The following C2CD3 variants were observed in gnomAD, a reference collection of about 807,000 sequenced individuals.
C2CD3 encodes the protein C2 domain containing 3 centriole elongation regulator.
Under a neutral mutation model 234.0 loss-of-function variants are expected in C2CD3, and 148 were observed. The ratio of observed to expected loss-of-function variants is 0.63; its 90% confidence interval spans 0.55 to 0.72. C2CD3 has a LOEUF of 0.72. C2CD3 is among the 30% of genes least tolerant of loss of function. The pLI is 0.00. For missense variants in C2CD3, 2,577 were observed against 2,811.5 expected (o/e 0.92, Z 1.89); for synonymous variants, 1,000 against 1,035.4 (o/e 0.97, Z 0.66).
chr11:74,130,780 T>C (rs1957645676), intron 7 of C2CD3, among the ~76,000 whole-genome samples: 3 of 152,104 alleles, frequency 2.0e-5, no homozygotes, highest in Admixed American at 2.0e-4. Context: ...AAAGTGTGAG[T>C]CCTACTTTCT....
At chr11:74,098,377 T>C in intron 15 of C2CD3, 122 bp from the exon 16 acceptor site, 1 of 1,034,010 alleles carries the variant, frequency 9.7e-7, no homozygotes, top group South Asian at 1.6e-5. Context: ...AAAGTAATAG[T>C]GGTTTTAAAA....
chr11:74,165,684 C>G (rs552608576), intron 2 of C2CD3, among the ~76,000 whole-genome samples: 1 of 152,068 alleles, frequency 6.6e-6, no homozygotes, highest in African/African-American at 2.4e-5. Flanking sequence ...AACAGGGTCT[C>G]ACTCTGTCAC....
chr11:74,115,118 G>T (rs1194895495), intron 9 of C2CD3, among the ~76,000 whole-genome samples: 1 of 151,708 alleles, frequency 6.6e-6, no homozygotes, highest in Non-Finnish European at 1.5e-5. Flanking sequence ...CTAAAGGTTT[G>T]AGAGTGTATA....
In C2CD3 at chr11:74,049,437, C is replaced by A. The variant is rs1388308285; in HGVS notation, c.5261G>T (p.Cys1754Phe). The change falls in exon 27 of 33, where the codon TGC (cysteine) becomes TTC (phenylalanine). Residue 1754 changes from cysteine to phenylalanine, a missense_variant. Coordinates refer to ENST00000334126, the MANE Select transcript of C2CD3 (RefSeq NM_001286577.2). ...WYNITDFSGE[C>F]QGQIKVAVSP... The stretch of plus-strand genomic sequence containing the variant: ...GACAGCAACTTTTATCTGCCCCTGG[C>A]ACTCTCCACTGAAGTCTGTGATGTT... The A allele has an allele frequency of 3.1e-6, 5 of 1,614,004 alleles. No individual in the cohort carries two copies. The highest frequency in any genetic ancestry group is 4.2e-6 in the Non-Finnish European group (5 of 1,179,996).
chr11:74,128,752 C>T (rs56016718), intron 7 of C2CD3: 13 of 157,222 alleles, frequency 8.3e-5, no homozygotes, highest in South Asian at 1.6e-4. Context: ...TGACTCTTAA[C>T]GAGCATGCTG....
chr11:74,168,904 T>C (rs1856974927), intron 1 of C2CD3, among the ~76,000 whole-genome samples: 1 of 152,244 alleles, frequency 6.6e-6, no homozygotes, highest in South Asian at 2.1e-4. Context: ...GACACACTAA[T>C]ATAAACTTTT....
intron 16 of C2CD3, among the ~76,000 whole-genome samples, chr11:74,096,665 C>T (rs1441812095): frequency 1.3e-5 from 2 of 152,116 alleles, no homozygotes; most frequent in Non-Finnish European, 2.9e-5. Flanking sequence ...TTCCTCTGTG[C>T]ATGTAGTGAG....
rs945940216 is a variant in C2CD3 at position 74,044,973 on chromosome 11, C to T, written c.5496-2755G>A. On this transcript the variant is annotated intron_variant, in intron 28 of 32. Transcript: ENST00000334126. ...CTTTTGTTATTTGTGCTTTTGGTGT[C>T]ATTTCCTAAGGAATCATTGTCTAAT... 2.0e-5 allele frequency among the ~76,000 whole-genome samples: 3 copies of T among 151,312 alleles called. No homozygotes were observed. In the East Asian group the frequency reaches 5.8e-4, roughly 29 times the overall value.
intron 16 of C2CD3, among the ~76,000 whole-genome samples, chr11:74,096,762 G>C (rs1284745637): frequency 1.3e-5 from 2 of 152,164 alleles, no homozygotes; most frequent in Admixed American, 6.5e-5. Context: ...AAACAGACTT[G>C]GGGATATTAA....
Position 74,090,186 on chromosome 11 carries a change from A to G in C2CD3, c.3641+627T>C, listed in dbSNP as rs139754276. Among the ~76,000 whole-genome samples, 5 of 152,270 alleles carry G rather than the reference A, an allele frequency of 3.3e-5. No individual in the cohort carries two copies. The East Asian group carries it at 9.7e-4, about 29-fold the overall frequency. ...GGGGGTGGGGCACGTGGTTTAGATC[A>G]TATGGGGTCTCATAGCCATTTTAAG... On this transcript the variant is annotated intron_variant, in intron 20 of 32. Transcript: ENST00000334126.
intron 11 of C2CD3, among the ~76,000 whole-genome samples, chr11:74,111,969 C>CACAT (rs1555045433): frequency 1.1e-4 from 9 of 84,490 alleles, no homozygotes; most frequent in Middle Eastern, 5.7e-3. Flanking sequence ...CACACACACA[C>CACAT]ATATATATAT....
At chr11:74,044,322 G>A (rs1953242497) in intron 28 of C2CD3, among the ~76,000 whole-genome samples, 1 of 152,030 alleles carries the variant, frequency 6.6e-6, no homozygotes, top group Non-Finnish European at 1.5e-5. Context: ...TGGTGTGGTG[G>A]CGTGCACCTG....
At chr11:74,096,144 A>G (rs149290354) in intron 16 of C2CD3, among the ~76,000 whole-genome samples, 10 of 152,314 alleles carry the variant, frequency 6.6e-5, no homozygotes, top group African/African-American at 2.4e-4. Flanking sequence ...CACCTTCATT[A>G]AGTGATTTAA....
At chr11:74,077,345 C>G (rs146337827) in intron 23 of C2CD3, among the ~76,000 whole-genome samples, 22 of 152,192 alleles carry the variant, frequency 1.4e-4, no homozygotes, top group Admixed American at 6.6e-4. Context: ...TGGATGCACT[C>G]TAGTGCTACG....
At chr11:74,062,297 C>G (rs985849259) in intron 24 of C2CD3, among the ~76,000 whole-genome samples, 31 of 152,302 alleles carry the variant, frequency 2.0e-4, no homozygotes, top group African/African-American at 7.2e-4. Flanking sequence ...ACAGAACTCT[C>G]CACCCCAAAT....
intron 4 of C2CD3, 23 bp downstream of exon 4, chr11:74,139,582 C>T (rs754132197): frequency 6.8e-7 from 1 of 1,466,016 alleles, no homozygotes; most frequent in Admixed American, 1.7e-5. Flanking sequence ...GACAGATTGA[C>T]TGGTATTAGG....
At chr11:74,056,518 G>A (rs1232388136) in intron 25 of C2CD3, among the ~76,000 whole-genome samples, 1 of 152,018 alleles carries the variant, frequency 6.6e-6, no homozygotes, top group Non-Finnish European at 1.5e-5. Flanking sequence ...ATCTAATTTG[G>A]ACCTAACAAT....
chr11:74,050,928 A>G (rs1280675500), intron 26 of C2CD3, among the ~76,000 whole-genome samples: 1 of 151,418 alleles, frequency 6.6e-6, no homozygotes, highest in African/African-American at 2.5e-5. Context: ...TTGACTGGAA[A>G]ACATATTCCT....
At position 74,028,277 on chromosome 11, in the gene C2CD3, A is replaced by G; in HGVS notation, c.6921+10T>C. 1 of 1,522,198 alleles carries G rather than the reference A, an allele frequency of 6.6e-7. No individual in the cohort carries two copies. The highest frequency in any genetic ancestry group is 8.8e-7 in the Non-Finnish European group (1 of 1,134,436). 94.3% of individuals were successfully genotyped at this position (1,522,198 alleles called of 1,614,324 possible). On this transcript the variant is annotated intron_variant, in intron 32 of 32. Transcript: ENST00000334126. ...TCTATAGAAGAAAGGTCAGTTGGCC[A>G]TTCTCTTACCTGATCTGTTGTGGCT...
Sources: allele counts gnomAD v4.1 joint callset (sites outside exome capture counted in the v4.1 genomes callset), GRCh38; gene constraint gnomAD v4.1.1; transcripts MANE v1.5; gene names NCBI Gene and HGNC (gene_info 2026-07-23, HGNC 2026-07-21).